FFAR4: variants seen among roughly 807,000 people sequenced by gnomAD.
The protein encoded by FFAR4 is free fatty acid receptor 4, also known as G-protein coupled receptor 120.
A neutral mutation model predicts 27.0 loss-of-function variants in FFAR4; 19 were observed. That is an observed-to-expected ratio of 0.70 (90% CI 0.49 to 1.03). The LOEUF (loss-of-function observed/expected upper bound fraction) is 1.03. Among genes scored for constraint, FFAR4 ranks in the 50% least tolerant of loss-of-function variants. The pLI, the probability that FFAR4 is intolerant of heterozygous loss-of-function variation, is 0.00. For missense variants in FFAR4, 476 were observed against 479.0 expected (o/e 0.99, Z 0.06); for synonymous variants, 254 against 215.6 (o/e 1.18, Z -1.56).
intron 1 of FFAR4, among the ~76,000 whole-genome samples, chr10:93,568,318 G>A (rs2058112180): frequency 6.6e-6 from 1 of 152,130 alleles, no homozygotes; most frequent in South Asian, 2.1e-4. Context: ...AAGGACTTAG[G>A]TCTGTGCGCT....
At chr10:93,574,775 T>C (rs2058153322) in intron 1 of FFAR4, among the ~76,000 whole-genome samples, 1 of 151,244 alleles carries the variant, frequency 6.6e-6, no homozygotes, top group Non-Finnish European at 1.5e-5. Context: ...GCTCCTGTGG[T>C]CCCAGCTACT....
intron 2 of FFAR4, among the ~76,000 whole-genome samples, chr10:93,585,998 G>A (rs886429276): frequency 6.6e-6 from 1 of 152,200 alleles, no homozygotes; most frequent in African/African-American, 2.4e-5. Context: ...GGAACCTAGG[G>A]TGGGGTCCAG....
chr10:93,568,066 C>G (rs1169226703), intron 1 of FFAR4, among the ~76,000 whole-genome samples: 1 of 152,144 alleles, frequency 6.6e-6, no homozygotes, highest in Admixed American at 6.5e-5. Flanking sequence ...TGACCATGAT[C>G]GGAATAAGGT....
chr10:93,567,019 G>C lies in FFAR4; in HGVS notation c.299G>C (p.Trp100Ser). Residue 100 changes from tryptophan to serine, a missense_variant, in exon 1 of 3, where the codon TGG (tryptophan) becomes TCG (serine). Transcript: ENST00000371481. ...SAIPLVLAVR[W>S]TEAWLLGPVA... Reference sequence around the variant, plus strand: ...ATCCCTCTGGTGCTGGCCGTGCGCTGGACTGAGGCCTGGCTGCTGGGCCCC... The same window carrying C: ...ATCCCTCTGGTGCTGGCCGTGCGCTCGACTGAGGCCTGGCTGCTGGGCCCC... 2 of 1,611,846 alleles carry C rather than the reference G, an allele frequency of 1.2e-6. No individual in the cohort carries two copies. Among genetic ancestry groups the C allele is most frequent in the Non-Finnish European group, 1.7e-6 (2 of 1,179,866 alleles).
rs543044128 is a variant in FFAR4 at position 93,585,557 on chromosome 10, C to T, written c.697-1663C>T. On this transcript the variant is annotated intron_variant, in intron 2 of 2. Transcript: ENST00000371481. Reference sequence around the variant, plus strand: ...AGTTCAAAGCTTCCCCTGCCCAAGGCGTAGGATGTGGGTTTGTGGTGCTGG... The same window carrying T: ...AGTTCAAAGCTTCCCCTGCCCAAGGTGTAGGATGTGGGTTTGTGGTGCTGG... Among the ~76,000 whole-genome samples the T allele has an allele frequency of 5.3e-5, 8 of 152,292 alleles. No individual in the cohort carries two copies. The South Asian group carries it at 1.0e-3, about 20-fold the overall frequency.
In FFAR4 at chr10:93,588,597, A is replaced by T. The variant is rs2058244577; in HGVS notation, c.*988A>T. On this transcript the variant is annotated 3_prime_UTR_variant, in exon 3 of 3. Coordinates refer to ENST00000371481, the MANE Select transcript of FFAR4 (RefSeq NM_001195755.2). ...CTTTGTGCTAGGAATACAGTGGTGA[A>T]CCAGACAGCCATGGCCCTCTCTCAG... 1 of 152,316 alleles carries T rather than the reference A, an allele frequency of 6.6e-6. No individual in the cohort carries two copies. Among genetic ancestry groups the T allele is most frequent in the Middle Eastern group, 3.4e-3 (1 of 294 alleles). 9.4% of individuals were successfully genotyped at this position (152,316 alleles called of 1,614,324 possible).
chr10:93,579,137 C>A (rs766336048), intron 2 of FFAR4: 18 of 1,612,862 alleles, frequency 1.1e-5, no homozygotes, highest in Non-Finnish European at 1.3e-5. Context: ...CCACAGCCGG[C>A]CTTCACTTCT....
At chr10:93,567,571 A>G (rs184924609) in intron 1 of FFAR4, among the ~76,000 whole-genome samples, 5 of 152,314 alleles carry the variant, frequency 3.3e-5, no homozygotes, top group African/African-American at 7.2e-5. Context: ...AGCGAGACGG[A>G]ACTTTGGGGG....
At position 93,588,987 on chromosome 10, in the gene FFAR4, G is replaced by C. The variant is rs2058247127; in HGVS notation, c.*1378G>C. 6.6e-6 allele frequency: 1 copy of C among 152,298 alleles called. No individual in the cohort carries two copies. The highest frequency in any genetic ancestry group is 1.5e-5 in the Non-Finnish European group (1 of 68,088). The allele number at this position is 152,298 out of a possible 1,614,324, so 9.4% of individuals were successfully genotyped here. A position where few individuals can be genotyped will look rare whatever the true frequency, so the allele number is the denominator to read the frequency against. On this transcript the variant is annotated 3_prime_UTR_variant, in exon 3 of 3. Transcript: ENST00000371481. The stretch of plus-strand genomic sequence containing the variant: ...GACCTTTCTGAGGAGTGACAAATTG[G>C]ATCAAAAGGTAAGCGACAAGAAAGG...
At chr10:93,584,526 A>G (rs995438111) in intron 2 of FFAR4, among the ~76,000 whole-genome samples, 3 of 152,208 alleles carry the variant, frequency 2.0e-5, no homozygotes, top group African/African-American at 7.2e-5. Flanking sequence ...AATGTGCGGC[A>G]CAGTGCCGGC....
intron 2 of FFAR4, among the ~76,000 whole-genome samples, chr10:93,582,780 A>G (rs2058205859): frequency 6.6e-6 from 1 of 152,174 alleles, no homozygotes. Flanking sequence ...CAATTTATAC[A>G]GAAAAGAGCT....
chr10:93,573,292 T>G (rs2058142523), intron 1 of FFAR4, among the ~76,000 whole-genome samples: 1 of 152,260 alleles, frequency 6.6e-6, no homozygotes, highest in South Asian at 2.1e-4. Context: ...CTGCCAATTC[T>G]GCTTCTGTAA....
chr10:93,586,868 A>G (rs1171345007), intron 2 of FFAR4, among the ~76,000 whole-genome samples: 1 of 152,222 alleles, frequency 6.6e-6, no homozygotes, highest in Non-Finnish European at 1.5e-5. Flanking sequence ...CCCCATCAGT[A>G]TAGCATTGTT....
chr10:93,569,968 A>G (rs377684188), intron 1 of FFAR4, among the ~76,000 whole-genome samples: 11 of 151,946 alleles, frequency 7.2e-5, no homozygotes, highest in African/African-American at 2.4e-4. Flanking sequence ...CTGAGGCAGG[A>G]GAATTGCTTG....
intron 2 of FFAR4, among the ~76,000 whole-genome samples, chr10:93,585,139 T>C (rs977653185): frequency 6.6e-6 from 1 of 152,228 alleles, no homozygotes; most frequent in Non-Finnish European, 1.5e-5. Context: ...GGGGGACACC[T>C]GTAGGATCTC....
At chr10:93,584,565 A>G (rs912333794) in intron 2 of FFAR4, among the ~76,000 whole-genome samples, 1 of 152,172 alleles carries the variant, frequency 6.6e-6, no homozygotes, top group African/African-American at 2.4e-5. Flanking sequence ...AAAGCTAGAG[A>G]TCTGTATGAC....
intron 2 of FFAR4, among the ~76,000 whole-genome samples, chr10:93,580,588 A>G (rs759922307): frequency 1.3e-5 from 2 of 152,204 alleles, no homozygotes; most frequent in Non-Finnish European, 2.9e-5. Context: ...TCTCCCACAC[A>G]GTAATAGAAT....
intron 2 of FFAR4, among the ~76,000 whole-genome samples, chr10:93,585,332 G>A (rs753343361): frequency 2.6e-5 from 4 of 152,208 alleles, no homozygotes; most frequent in Non-Finnish European, 2.9e-5. Context: ...GGATACGCAT[G>A]AGGAGGCTTA....
rs2058097708 is a variant in FFAR4, at chr10:93,566,710, AG to A, written c.-9del. On this transcript the variant is annotated 5_prime_UTR_variant, in exon 1 of 3. Transcript: ENST00000371481. ...CTCTCTCAGACCGCTGCGGGCCGCC[AG>A]GCGCCGGGAATGTCCCCTGAATGCG... The A allele has an allele frequency of 6.4e-7, 1 of 1,555,792 alleles. No homozygotes were observed. The highest frequency in any genetic ancestry group is 8.7e-7 in the Non-Finnish European group (1 of 1,155,206).
Sources: gnomAD v4.1 joint callset for allele counts (sites outside exome capture counted in the v4.1 genomes callset) on GRCh38, gnomAD v4.1.1 for gene constraint, MANE v1.5 for transcripts, NCBI Gene and HGNC (gene_info 2026-07-23, HGNC 2026-07-21) for gene names.